CALB1: variants seen among roughly 807,000 people sequenced by gnomAD.
The protein encoded by CALB1 is calbindin.
CALB1 carries 16 observed loss-of-function variants against 46.7 expected under a neutral mutation model. The observed-to-expected ratio is 0.34, with a 90% CI of 0.23 to 0.52. The LOEUF is 0.52. CALB1 is among the 20% of genes least tolerant of loss of function. CALB1 has a pLI of 0.95. For missense variants in CALB1, 224 were observed against 300.3 expected, an observed-to-expected ratio of 0.75 and a Z score of 1.88; for synonymous variants, 90 against 112.8, an observed-to-expected ratio of 0.80 and a Z score of 1.28.
intron 3 of CALB1, among the ~76,000 whole-genome samples, chr8:90,076,884 C>T (rs1198173766): frequency 2.0e-5 from 3 of 151,798 alleles, no homozygotes; most frequent in African/African-American, 7.2e-5. Context: ...CCATGTGAAT[C>T]AGATCAATGC....
chr8:90,061,230 G>C (rs1296073976), intron 9 of CALB1: 1 of 152,394 alleles, frequency 6.6e-6, no homozygotes, highest in African/African-American at 2.4e-5. Flanking sequence ...ACATGAGTTT[G>C]GTATCTTGTT....
At chr8:90,071,449 C>T (rs1814514507) in intron 3 of CALB1, among the ~76,000 whole-genome samples, 3 of 151,978 alleles carry the variant, frequency 2.0e-5, no homozygotes, top group Admixed American at 6.6e-5. Context: ...TGGGTGGGCT[C>T]GGCATGGAGA....
chr8:90,077,962 T>C (rs1310006077), intron 3 of CALB1, among the ~76,000 whole-genome samples: 1 of 152,104 alleles, frequency 6.6e-6, no homozygotes, highest in African/African-American at 2.4e-5. Flanking sequence ...AAAAGTCAAG[T>C]CTACACTGTT....
intron 6 of CALB1, chr8:90,064,044 T>A (rs111924551): frequency 3.9e-5 from 6 of 151,984 alleles, no homozygotes; most frequent in African/African-American, 1.4e-4. Flanking sequence ...TGGGAAGCAT[T>A]CACCTTTTTA....
chr8:90,081,942 G>T, intron 2 of CALB1, 84 bp downstream of exon 2: 1 of 1,231,548 alleles, frequency 8.1e-7, no homozygotes, highest in Non-Finnish European at 1.2e-6. Flanking sequence ...AGCGCTTTAC[G>T]CTACTGGCTT....
chr8:90,062,317 C>T (rs1313951859), intron 9 of CALB1: 1 of 151,820 alleles, frequency 6.6e-6, no homozygotes, highest in Non-Finnish European at 1.5e-5. Context: ...TAAGCAAGGA[C>T]AACACAAGCA....
chr8:90,063,338 T>C lies in CALB1; in HGVS notation c.507-18A>G. The C allele has an allele frequency of 6.3e-7, 1 of 1,584,068 alleles. No individual in the cohort carries two copies. Among genetic ancestry groups the C allele is most frequent in the Non-Finnish European group, 8.6e-7 (1 of 1,156,718 alleles). ...GTAGTAACCTTTTGAGAGAAAAACA[T>C]TATATTAATATATTACATTTTTTGA... On this transcript the variant is annotated intron_variant, in intron 7 of 10. Coordinates refer to ENST00000265431, the MANE Select transcript of CALB1 (RefSeq NM_004929.4).
chr8:90,082,860 TC>T lies in CALB1; in HGVS notation c.-164del. The stretch of plus-strand genomic sequence containing the variant: ...TCCTCGGTGCTGCTCAGCTCAGCGT[TC>T]CTCCAGAGTTCTCTCCCTACACCCC... On this transcript the variant is annotated 5_prime_UTR_variant, in exon 1 of 11. Coordinates refer to ENST00000265431, the MANE Select transcript of CALB1 (RefSeq NM_004929.4). 1.5e-6 allele frequency: 1 copy of T among 658,872 alleles called. No homozygotes were observed. Among genetic ancestry groups the T allele is most frequent in the South Asian group, 1.7e-5 (1 of 58,058 alleles). 40.8% of individuals were successfully genotyped at this position (658,872 alleles called of 1,614,324 possible).
At chr8:90,082,403 G>C in intron 1 of CALB1, 1 of 611,734 alleles carries the variant, frequency 1.6e-6, no homozygotes. Flanking sequence ...AAAGACAAAA[G>C]TTTAAGGTTT....
At chr8:90,076,031 C>A (rs1301677311) in intron 3 of CALB1, among the ~76,000 whole-genome samples, 4 of 152,042 alleles carry the variant, frequency 2.6e-5, no homozygotes, top group Non-Finnish European at 5.9e-5. Context: ...GCTAGTTCTT[C>A]CCAAGAGTCC....
intron 3 of CALB1, among the ~76,000 whole-genome samples, chr8:90,070,871 T>TGA (rs1206311177): frequency 3.3e-4 from 50 of 151,566 alleles, no homozygotes; most frequent in Non-Finnish European, 3.4e-4. Flanking sequence ...TGTGTGTGTG[T>TGA]GTGTGTGTGT....
chr8:90,078,633 AAG>A (rs562777404), intron 2 of CALB1, among the ~76,000 whole-genome samples, 186 bp from the exon 3 acceptor site: 163 of 152,144 alleles, frequency 1.1e-3, no homozygotes, highest in African/African-American at 3.8e-3. Flanking sequence ...TTCCAAATGA[AAG>A]AGTTGTAATC....
At chr8:90,076,464 T>A (rs1487894549) in intron 3 of CALB1, among the ~76,000 whole-genome samples, 1 of 152,044 alleles carries the variant, frequency 6.6e-6, no homozygotes, top group Admixed American at 6.6e-5. Context: ...TATATTTAAA[T>A]TTACTTAATT....
chr8:90,062,607 G>T (rs1331080986), intron 9 of CALB1: 1 of 151,880 alleles, frequency 6.6e-6, no homozygotes, highest in Non-Finnish European at 1.5e-5. Context: ...ACTAATCAGA[G>T]AAATAAAAAT....
At chr8:90,068,966 G>A in intron 5 of CALB1, 32 bp downstream of exon 5, 1 of 1,533,710 alleles carries the variant, frequency 6.5e-7, no homozygotes, top group Non-Finnish European at 8.9e-7. Context: ...CATCTGAAAG[G>A]AAAAACTTAG....
At chr8:90,068,939 C>T (rs1814448940) in intron 5 of CALB1, 59 bp downstream of exon 5, 1 of 1,262,588 alleles carries the variant, frequency 7.9e-7, no homozygotes, top group African/African-American at 1.5e-5. Context: ...AGCTAGGAAA[C>T]TCTTAGTTCA....
chr8:90,060,054 T>A lies in CALB1; in HGVS notation c.*119A>T, dbSNP rs1355685573. The A allele has an allele frequency of 1.5e-6, 1 of 674,256 alleles. No individual in the cohort carries two copies. The highest frequency in any genetic ancestry group is 2.5e-4 in the Middle Eastern group (1 of 4,080). 41.8% of individuals were successfully genotyped at this position (674,256 alleles called of 1,614,324 possible). ...AAAAGAATGAGCCACACATCCTGGA[T>A]AATTATCTATATGCAGTTAAATTTA... On this transcript the variant is annotated 3_prime_UTR_variant, in exon 11 of 11. Coordinates refer to ENST00000265431, the MANE Select transcript of CALB1 (RefSeq NM_004929.4).
At chr8:90,071,866 C>A (rs932160881) in intron 3 of CALB1, among the ~76,000 whole-genome samples, 1 of 152,136 alleles carries the variant, frequency 6.6e-6, no homozygotes, top group Non-Finnish European at 1.5e-5. Context: ...ATACTTCTTA[C>A]AATTTTTGCG....
chr8:90,065,365 A>T (rs549012183), intron 6 of CALB1, among the ~76,000 whole-genome samples: 3 of 151,744 alleles, frequency 2.0e-5, no homozygotes, highest in African/African-American at 7.2e-5. Context: ...AGATTTCCTC[A>T]TTCAAAGCAC....
Sources: gnomAD v4.1 joint callset for allele counts (sites outside exome capture counted in the v4.1 genomes callset) on GRCh38, gnomAD v4.1.1 for gene constraint, MANE v1.5 for transcripts, NCBI Gene and HGNC (gene_info 2026-07-23, HGNC 2026-07-21) for gene names.